The following MMP7 variants were observed in gnomAD, a reference collection of about 807,000 sequenced individuals.
MMP7 encodes the protein matrix metallopeptidase 7.
Under a neutral mutation model 31.5 loss-of-function variants are expected in MMP7, and 26 were observed. The ratio of observed to expected loss-of-function variants is 0.83; its 90% CI spans 0.61 to 1.15. MMP7 has a LOEUF of 1.15. MMP7 is among the 50% of genes most tolerant of loss of function. The probability of loss-of-function intolerance (pLI) is 0.00; values close to 1 mark genes in which losing one functional copy is unlikely to be tolerated. For synonymous variants in MMP7, 142 were observed against 124.2 expected (o/e 1.14, Z -0.95); for missense variants, 367 against 326.5 (o/e 1.12, Z -0.96).
In MMP7 at chr11:102,520,692, G is replaced by C. The variant is rs1177289220; in HGVS notation, c.*84C>G. On this transcript the variant is annotated 3_prime_UTR_variant, in exon 6 of 6. Coordinates refer to ENST00000260227, the MANE Select transcript of MMP7 (RefSeq NM_002423.5). ...GGTGACATAATTGCTAAATGGAGTG[G>C]AGGAACAGTGCTTATCAATTCTGAT... is the stretch of plus-strand genomic sequence containing the variant. The C allele has an allele frequency of 8.7e-6, 10 of 1,144,322 alleles. No individual in the cohort carries two copies. Among genetic ancestry groups the C allele is most frequent in the African/African-American group, 1.5e-5 (1 of 64,650 alleles). 70.9% of individuals were successfully genotyped at this position (1,144,322 alleles called of 1,614,324 possible).
chr11:102,520,851 A>G (rs745870394), intron 5 of MMP7, 47 bp from the exon 6 acceptor site: 16 of 1,272,382 alleles, frequency 1.3e-5, no homozygotes, highest in Admixed American at 1.9e-5. Context: ...GAAAATGCAT[A>G]AAAACCATCC....
chr11:102,523,116 T>A, intron 5 of MMP7, 124 bp downstream of exon 5: 1 of 653,742 alleles, frequency 1.5e-6, no homozygotes, highest in Non-Finnish European at 2.5e-6. Context: ...CTCCCCTCAA[T>A]AGGCTTTTTG....
At chr11:102,524,829 C>G (rs1858650125) in intron 4 of MMP7, 107 bp downstream of exon 4, 1 of 1,303,004 alleles carries the variant, frequency 7.7e-7, no homozygotes. Context: ...GTGTTTGGCA[C>G]TTAGCAAGGG....
At chr11:102,527,386 G>C in intron 3 of MMP7, 138 bp downstream of exon 3, 1 of 1,068,302 alleles carries the variant, frequency 9.4e-7, no homozygotes, top group Non-Finnish European at 1.4e-6. Flanking sequence ...TAATAATATT[G>C]CTAAATCTAT....
At chr11:102,525,089 C>A in intron 3 of MMP7, 25 bp from the exon 4 acceptor site, 2 of 1,572,416 alleles carry the variant, frequency 1.3e-6, no homozygotes, top group South Asian at 2.4e-5. Context: ...AGTGATTGTT[C>A]TTAGTGACTG....
In MMP7 at chr11:102,527,826, A is replaced by G. The variant is rs758252919; in HGVS notation, c.266T>C (p.Val89Ala). ...TAGTGAGTATTCTGCAACATCTGGC[A>G]CTCCACATCTGGGCTTCTGCATTAT... ...IEIMQKPRCG[V>A]PDVAEYSLFP... Residue 89 changes from valine (V) to alanine (A), a missense_variant, in exon 2 of 6, where the codon GTG (valine) becomes GCG (alanine). Val to Ala is a moderately conservative substitution (Grantham distance 64). Coordinates refer to ENST00000260227, the MANE Select transcript of MMP7 (RefSeq NM_002423.5). 2 of 1,613,924 alleles carry G rather than the reference A, an allele frequency of 1.2e-6. No individual in the cohort carries two copies. Among genetic ancestry groups the G allele is most frequent in the East Asian group, 4.5e-5 (2 of 44,868 alleles).
At chr11:102,529,741 A>G (rs1565377127) in intron 1 of MMP7, among the ~76,000 whole-genome samples, 1 of 152,226 alleles carries the variant, frequency 6.6e-6, no homozygotes, top group Non-Finnish European at 1.5e-5. Flanking sequence ...TATATTTATT[A>G]GACTGCTTAT....
At chr11:102,529,763 T>C (rs1858711290) in intron 1 of MMP7, among the ~76,000 whole-genome samples, 1 of 152,186 alleles carries the variant, frequency 6.6e-6, no homozygotes, top group Non-Finnish European at 1.5e-5. Flanking sequence ...AAGAAGCATA[T>C]TGCAAGGAAC....
intron 1 of MMP7, 42 bp downstream of exon 1, chr11:102,530,551 T>A: frequency 6.8e-7 from 1 of 1,479,458 alleles, no homozygotes; most frequent in Non-Finnish European, 9.5e-7. Flanking sequence ...TTAATGCAGA[T>A]GGCAAAAGAA....
chr11:102,529,285 T>G (rs887665664), intron 1 of MMP7, among the ~76,000 whole-genome samples: 1 of 152,230 alleles, frequency 6.6e-6, no homozygotes, highest in African/African-American at 2.4e-5. Flanking sequence ...CCATGACAAT[T>G]GATAACTGAT....
intron 5 of MMP7, among the ~76,000 whole-genome samples, chr11:102,521,447 TG>T (rs891115596): frequency 4.6e-5 from 7 of 152,252 alleles, no homozygotes; most frequent in African/African-American, 1.7e-4. Context: ...CCAACCACCT[TG>T]GCCTCCCGAA....
At position 102,523,285 on chromosome 11, in the gene MMP7, A is replaced by C. The variant is rs370896862; in HGVS notation, c.730T>G (p.Phe244Val). 117 of 1,611,836 alleles carry C rather than the reference A, an allele frequency of 7.3e-5. No homozygotes were observed. In the Middle Eastern group the frequency reaches 1.3e-3, roughly 18 times the overall value. The change falls in exon 5 of 6, where the codon TTT becomes GTT. Residue 244 changes from phenylalanine to valine, a missense_variant. Physicochemically the swap from Phe to Val is conservative, Grantham distance 50 (BLOSUM62 -1). Coordinates refer to ENST00000260227, the MANE Select transcript of MMP7 (RefSeq NM_002423.5). ...TTAATATCATCCTGGGAAAGTTTAAAATTTTGGGGATCTCCATTTCCATAG... is the reference window on the plus strand; with the variant it reads ...TTAATATCATCCTGGGAAAGTTTAACATTTTGGGGATCTCCATTTCCATAG... The part of the protein sequence containing the change: ...PTYGNGDPQN[F>V]KLSQDDIKGI...
chr11:102,524,715 A>T (rs2135903807), intron 4 of MMP7: 1 of 328,752 alleles, frequency 3.0e-6, no homozygotes, highest in South Asian at 1.2e-4. Flanking sequence ...GACGTACAGC[A>T]AATTGGATCA....
chr11:102,524,923 T>C lies in MMP7; in HGVS notation c.613+13A>G. ...AAACGGATGTGGAGTAGAAGAGACATGAGATGCTATACCTAGACTGCTACC... is the reference window on the plus strand; with the variant it reads ...AAACGGATGTGGAGTAGAAGAGACACGAGATGCTATACCTAGACTGCTACC... On this transcript the variant is annotated intron_variant, in intron 4 of 5. Transcript: ENST00000260227. 6.3e-7 allele frequency: 1 copy of C among 1,597,518 alleles called. No individual in the cohort carries two copies. Among genetic ancestry groups the C allele is most frequent in the East Asian group, 2.2e-5 (1 of 44,634 alleles).
At chr11:102,527,012 T>G (rs1161329273) in intron 3 of MMP7, 21 of 167,804 alleles carry the variant, frequency 1.3e-4, no homozygotes, top group Admixed American at 1.2e-3. Flanking sequence ...CCTGGGTTTG[T>G]GTAAGTGTAT....
At chr11:102,528,753 A>C (rs893466849) in intron 1 of MMP7, among the ~76,000 whole-genome samples, 4 of 152,234 alleles carry the variant, frequency 2.6e-5, no homozygotes, top group African/African-American at 9.6e-5. Context: ...AAAGTTTCTC[A>C]GTATCTGAAT....
chr11:102,528,819 A>C (rs1321593928), intron 1 of MMP7, among the ~76,000 whole-genome samples: 2 of 152,096 alleles, frequency 1.3e-5, no homozygotes, highest in Non-Finnish European at 2.9e-5. Context: ...GAATGAACTA[A>C]CAACAATAGC....
intron 5 of MMP7, among the ~76,000 whole-genome samples, chr11:102,521,895 A>G (rs1359818263): frequency 6.6e-6 from 1 of 152,236 alleles, no homozygotes. Context: ...AACAATAGTC[A>G]GCATTTTGTG....
rs1177690314 is a variant in MMP7 at position 102,525,081 on chromosome 11, T to C, written c.485-17A>G. ...CCCCATGAGCTGAAAGAAAATGGAG[T>C]GATTGTTCTTAGTGACTGATTTTTT... On this transcript the variant is annotated splice_polypyrimidine_tract_variant and intron_variant, in intron 3 of 5. Transcript: ENST00000260227. 1.3e-6 allele frequency: 2 copies of C among 1,584,174 alleles called. No homozygotes were observed. Among genetic ancestry groups the C allele is most frequent in the African/African-American group, 2.7e-5 (2 of 72,728 alleles).
Sources: allele counts gnomAD v4.1 joint callset (sites outside exome capture counted in the v4.1 genomes callset), GRCh38; gene constraint gnomAD v4.1.1; transcripts MANE v1.5; gene names NCBI Gene and HGNC (gene_info 2026-07-23, HGNC 2026-07-21).